OSBPL6: variants seen among roughly 807,000 people sequenced by gnomAD.
The protein encoded by OSBPL6 is oxysterol-binding protein-related protein 6.
OSBPL6 carries 49 observed loss-of-function variants against 125.8 expected under a neutral mutation model. That is an observed-to-expected ratio of 0.39 (90% CI 0.31 to 0.49). OSBPL6 has a LOEUF of 0.49. Among genes scored for constraint, OSBPL6 ranks in the 20% least tolerant of loss-of-function variants. The probability of loss-of-function intolerance (pLI) is 0.88; values close to 1 mark genes in which losing one functional copy is unlikely to be tolerated. For missense variants in OSBPL6, 986 were observed against 1,135.4 expected (o/e 0.87, Z 1.89); for synonymous variants, 394 against 391.8 (o/e 1.01, Z -0.07).
At chr2:178,264,662 T>G (rs1009470122) in intron 1 of OSBPL6, among the ~76,000 whole-genome samples, 4 of 152,192 alleles carry the variant, frequency 2.6e-5, no homozygotes, top group Admixed American at 1.3e-4. Flanking sequence ...CCCCTTACAA[T>G]TGCATATTCT....
chr2:178,218,635 T>TTC (rs1326558029), intron 1 of OSBPL6, among the ~76,000 whole-genome samples: 13 of 148,608 alleles, frequency 8.7e-5, no homozygotes, highest in South Asian at 2.1e-4. Context: ...CTTTCTTTCT[T>TTC]TTTTTTTTTT....
At chr2:178,364,405 CT>C (rs1692623638) in intron 13 of OSBPL6, among the ~76,000 whole-genome samples, 1 of 152,152 alleles carries the variant, frequency 6.6e-6, no homozygotes, top group Non-Finnish European at 1.5e-5. Flanking sequence ...TGGACAGATT[CT>C]TATGGTATTT....
At chr2:178,347,938 C>G (rs997592181) in intron 11 of OSBPL6, among the ~76,000 whole-genome samples, 6 of 152,132 alleles carry the variant, frequency 3.9e-5, no homozygotes, top group Non-Finnish European at 8.8e-5. Flanking sequence ...CCCAGTAAGT[C>G]CTGGATATCT....
At chr2:178,334,719 G>T (rs866916491) in intron 8 of OSBPL6, among the ~76,000 whole-genome samples, 2 of 151,952 alleles carry the variant, frequency 1.3e-5, no homozygotes, top group African/African-American at 4.8e-5. Flanking sequence ...ACAGGGTTTC[G>T]CCATGTTGGC....
chr2:178,349,195 G>A (rs368096043), intron 11 of OSBPL6, 29 bp from the exon 12 acceptor site: 230 of 1,608,990 alleles, frequency 1.4e-4, no homozygotes, highest in Non-Finnish European at 1.8e-4. Context: ...CACTGTTGCT[G>A]TTTAATAATT....
intron 1 of OSBPL6, among the ~76,000 whole-genome samples, chr2:178,277,984 G>C (rs1362493075): frequency 6.6e-6 from 1 of 152,188 alleles, no homozygotes; most frequent in African/African-American, 2.4e-5. Flanking sequence ...CTTCCACGCT[G>C]TTTCAAACCT....
chr2:178,330,528 T>C (rs1341611113), intron 5 of OSBPL6, among the ~76,000 whole-genome samples: 1 of 152,226 alleles, frequency 6.6e-6, no homozygotes, highest in Non-Finnish European at 1.5e-5. Flanking sequence ...GTTTACTTGT[T>C]GTCCCGCAGA....
At position 178,333,046 on chromosome 2, in the gene OSBPL6, G is replaced by T; in HGVS notation, c.657+5G>T. On this transcript the variant is annotated splice_donor_5th_base_variant and intron_variant, in intron 8 of 24. Transcript: ENST00000190611. ...GTTTCTGTAATGGATGGAAAGGTAT[G>T]ACTTTGTTCTATAAAAACCAGCCTG... 1 of 1,612,448 alleles carries T rather than the reference G, an allele frequency of 6.2e-7. No individual in the cohort carries two copies. Among genetic ancestry groups the T allele is most frequent in the South Asian group, 1.1e-5 (1 of 90,628 alleles).
chr2:178,366,301 T>G (rs1692821121), intron 13 of OSBPL6, among the ~76,000 whole-genome samples: 1 of 152,234 alleles, frequency 6.6e-6, no homozygotes, highest in African/African-American at 2.4e-5. Flanking sequence ...CCAACTCATC[T>G]TGAGCCTATC....
At chr2:178,371,524 C>T (rs1574996793) in intron 13 of OSBPL6, among the ~76,000 whole-genome samples, 1 of 152,154 alleles carries the variant, frequency 6.6e-6, no homozygotes, top group African/African-American at 2.4e-5. Flanking sequence ...TCAGTGTCTA[C>T]ACTGTTGAGT....
At chr2:178,205,018 C>T (rs1291179328) in intron 1 of OSBPL6, among the ~76,000 whole-genome samples, 3 of 152,166 alleles carry the variant, frequency 2.0e-5, no homozygotes, top group Admixed American at 6.5e-5. Context: ...CTTCCCCCAC[C>T]GTGAGCCCCA....
At chr2:178,200,051 A>G (rs184528621) in intron 1 of OSBPL6, among the ~76,000 whole-genome samples, 2 of 152,314 alleles carry the variant, frequency 1.3e-5, no homozygotes, top group Admixed American at 1.3e-4. Flanking sequence ...ATTTTGTGAA[A>G]TAATGAGGTT....
At chr2:178,215,215 T>C (rs1452185620) in intron 1 of OSBPL6, among the ~76,000 whole-genome samples, 1 of 152,172 alleles carries the variant, frequency 6.6e-6, no homozygotes, top group Non-Finnish European at 1.5e-5. Flanking sequence ...ATGGAAGTAA[T>C]GTCTATATAA....
intron 1 of OSBPL6, among the ~76,000 whole-genome samples, chr2:178,241,416 CTT>C (rs142847395): frequency 1.1e-4 from 15 of 134,450 alleles, no homozygotes; most frequent in African/African-American, 2.5e-4. Context: ...CCGGCCAGGG[CTT>C]TTTTTTTTTT....
chr2:178,357,908 A>G (rs967577926), intron 12 of OSBPL6, among the ~76,000 whole-genome samples: 1 of 152,250 alleles, frequency 6.6e-6, no homozygotes, highest in Non-Finnish European at 1.5e-5. Context: ...GCAGCCATAA[A>G]AAAGGATAAG....
At chr2:178,260,602 T>C (rs1160846690) in intron 1 of OSBPL6, among the ~76,000 whole-genome samples, 1 of 152,194 alleles carries the variant, frequency 6.6e-6, no homozygotes, top group Non-Finnish European at 1.5e-5. Context: ...GATTACTACT[T>C]GGTTAGTCAT....
At chr2:178,226,332 T>G (rs1331580830) in intron 1 of OSBPL6, among the ~76,000 whole-genome samples, 1 of 151,898 alleles carries the variant, frequency 6.6e-6, no homozygotes, top group African/African-American at 2.4e-5. Context: ...TGCTGGGTGG[T>G]GCAGTCACCT....
At chr2:178,351,868 C>T (rs919134677) in intron 12 of OSBPL6, among the ~76,000 whole-genome samples, 11 of 152,068 alleles carry the variant, frequency 7.2e-5, no homozygotes, top group Admixed American at 5.2e-4. Flanking sequence ...GGGAGAGGAA[C>T]AGAGAAGATA....
At chr2:178,322,174 T>A (rs1346810767) in intron 3 of OSBPL6, among the ~76,000 whole-genome samples, 1 of 152,258 alleles carries the variant, frequency 6.6e-6, no homozygotes, top group African/African-American at 2.4e-5. Context: ...TTAGTTACTT[T>A]ATTTCCTGCC....
Sources: allele counts gnomAD v4.1 joint callset (sites outside exome capture counted in the v4.1 genomes callset), GRCh38; gene constraint gnomAD v4.1.1; transcripts MANE v1.5; gene names NCBI Gene and HGNC (gene_info 2026-07-23, HGNC 2026-07-21).